Variants in ENAH observed in about 807,000 individuals in gnomAD.
The protein encoded by ENAH is protein enabled homolog.
Under a neutral mutation model 78.7 loss-of-function variants are expected in ENAH, and 23 were observed. That is an observed-to-expected ratio of 0.29 (90% confidence interval 0.21 to 0.41). The LOEUF is 0.41. Among genes scored for constraint, ENAH ranks in the 10% least tolerant of loss-of-function variants. The pLI, the probability that ENAH is intolerant of heterozygous loss-of-function variation, is 1.00. For synonymous variants in ENAH, 226 were observed against 241.0 expected (o/e 0.94, Z 0.58); for missense variants, 544 against 691.0 (o/e 0.79, Z 2.39).
At chr1:225,562,883 G>A (rs2096715380) in intron 2 of ENAH, among the ~76,000 whole-genome samples, 1 of 151,622 alleles carries the variant, frequency 6.6e-6, no homozygotes, top group Admixed American at 6.6e-5. Context: ...TGAGGCAGAA[G>A]GATCACTTGA....
chr1:225,538,452 A>T (rs1212346902), intron 3 of ENAH, among the ~76,000 whole-genome samples: 1 of 151,938 alleles, frequency 6.6e-6, no homozygotes, highest in Non-Finnish European at 1.5e-5. Context: ...ATTATTTCAA[A>T]TTTTGTTTTA....
chr1:225,506,376 T>C (rs2096329678), intron 11 of ENAH, among the ~76,000 whole-genome samples: 1 of 152,100 alleles, frequency 6.6e-6, no homozygotes, highest in Non-Finnish European at 1.5e-5. Context: ...TTAGTAGAGA[T>C]GGGGTTTCAT....
At position 225,495,986 on chromosome 1, in the gene ENAH, G is replaced by A. The variant is rs561428654; in HGVS notation, c.*1789C>T. The A allele has an allele frequency of 3.6e-4, 55 of 152,608 alleles. No individual in the cohort carries two copies. The highest frequency in any genetic ancestry group is 2.6e-4 in the African/African-American group (11 of 41,524). 9.5% of individuals were successfully genotyped at this position (152,608 alleles called of 1,614,324 possible). On this transcript the variant is annotated 3_prime_UTR_variant, in exon 14 of 14. Coordinates refer to ENST00000366843, the MANE Select transcript of ENAH (RefSeq NM_018212.6). ...GTGGTAAAGGCTGCAAATTTGCAGC[G>A]TTTAGAAAACTACACTATCAACAAG...
At chr1:225,574,605 A>AATAT (rs201786584) in intron 1 of ENAH, among the ~76,000 whole-genome samples, 3 of 24,664 alleles carry the variant, frequency 1.2e-4, no homozygotes, top group South Asian at 5.9e-4. Context: ...CTGTCTCCAA[A>AATAT]ATATATAAAA....
intron 2 of ENAH, among the ~76,000 whole-genome samples, chr1:225,561,833 T>G (rs1050447577): frequency 3.9e-5 from 6 of 151,902 alleles, no homozygotes; most frequent in Admixed American, 1.3e-4. Context: ...CATAACAGAG[T>G]AAACAGTGCA....
intron 1 of ENAH, among the ~76,000 whole-genome samples, chr1:225,636,210 A>C (rs1454857809): frequency 6.6e-6 from 1 of 152,218 alleles, no homozygotes; most frequent in Non-Finnish European, 1.5e-5. Context: ...GATCTGCATA[A>C]ATTTATGTAA....
intron 1 of ENAH, among the ~76,000 whole-genome samples, chr1:225,608,923 A>T (rs2096972903): frequency 6.6e-6 from 1 of 152,104 alleles, no homozygotes; most frequent in South Asian, 2.1e-4. Context: ...TGCCTTCAAA[A>T]TTTTGAAGAA....
intron 13 of ENAH, 122 bp from the exon 14 acceptor site, chr1:225,497,934 T>C: frequency 6.8e-6 from 5 of 732,512 alleles, no homozygotes; most frequent in Non-Finnish European, 9.1e-6. Flanking sequence ...AGATTAACTT[T>C]GCATCTTTCA....
At chr1:225,604,645 T>G (rs1201287643) in intron 1 of ENAH, among the ~76,000 whole-genome samples, 1 of 144,098 alleles carries the variant, frequency 6.9e-6, no homozygotes, top group Non-Finnish European at 1.5e-5. Context: ...AAAAAAAAAT[T>G]AGCCAGGCAT....
intron 1 of ENAH, among the ~76,000 whole-genome samples, chr1:225,602,470 T>C (rs951607432): frequency 2.0e-5 from 3 of 152,168 alleles, no homozygotes; most frequent in Admixed American, 2.0e-4. Flanking sequence ...AGTGTTTTTT[T>C]GTTGTTAATT....
rs546077182 is a variant in ENAH at position 225,492,156 on chromosome 1, C to T, written c.*5619G>A. The T allele has an allele frequency of 6.6e-6, 1 of 150,528 alleles. No individual in the cohort carries two copies. Among genetic ancestry groups the T allele is most frequent in the African/African-American group, 2.5e-5 (1 of 40,804 alleles). 9.3% of individuals were successfully genotyped at this position (150,528 alleles called of 1,614,324 possible). On this transcript the variant is annotated 3_prime_UTR_variant, in exon 14 of 14. Transcript: ENST00000366843. The stretch of plus-strand genomic sequence containing the variant: ...CTGGAGTACAGTGGCATGATAACGG[C>T]TCACTGCAGCCGCGTCCTCCCTGGG...
chr1:225,631,593 A>G (rs1244404476), intron 1 of ENAH, among the ~76,000 whole-genome samples: 3 of 150,572 alleles, frequency 2.0e-5, no homozygotes, highest in Middle Eastern at 3.2e-3. Context: ...AAAAAAAAAA[A>G]GGCATAAACT....
chr1:225,583,361 G>T (rs1210352296), intron 1 of ENAH, among the ~76,000 whole-genome samples: 2 of 149,952 alleles, frequency 1.3e-5, no homozygotes, highest in Non-Finnish European at 3.0e-5. Context: ...GCTTGAACCA[G>T]GAGGTGGAGT....
chr1:225,542,276 A>G (rs1490798158), intron 3 of ENAH, among the ~76,000 whole-genome samples: 1 of 152,242 alleles, frequency 6.6e-6, no homozygotes, highest in African/African-American at 2.4e-5. Context: ...AAGACTGCAA[A>G]GCCAGGACCT....
chr1:225,623,528 G>A (rs190164643), intron 1 of ENAH, among the ~76,000 whole-genome samples: 2 of 151,498 alleles, frequency 1.3e-5, no homozygotes, highest in East Asian at 3.9e-4. Context: ...GCTGAGGTTT[G>A]GGCTTCCTGC....
chr1:225,551,274 T>C (rs2096639381), intron 3 of ENAH, among the ~76,000 whole-genome samples: 1 of 152,124 alleles, frequency 6.6e-6, no homozygotes, highest in Non-Finnish European at 1.5e-5. Context: ...ATTAGATAAT[T>C]GCATACCAAG....
chr1:225,515,413 A>G (rs2096410045), intron 6 of ENAH: 1 of 152,440 alleles, frequency 6.6e-6, no homozygotes, highest in Non-Finnish European at 1.5e-5. Flanking sequence ...TCCCAGCTTC[A>G]GCATTTTAAA....
intron 1 of ENAH, among the ~76,000 whole-genome samples, chr1:225,617,162 C>CA (rs1393241796): frequency 6.6e-6 from 1 of 151,908 alleles, no homozygotes; most frequent in Admixed American, 6.6e-5. Context: ...TCAACAAATG[C>CA]AAATGCATTA....
intron 3 of ENAH, among the ~76,000 whole-genome samples, chr1:225,553,820 C>T (rs983480347): frequency 2.6e-5 from 4 of 152,068 alleles, no homozygotes; most frequent in Admixed American, 2.0e-4. Flanking sequence ...AAATATGCAA[C>T]CTATGTATAA....
Sources: gnomAD v4.1 joint callset for allele counts (sites outside exome capture counted in the v4.1 genomes callset) on GRCh38, gnomAD v4.1.1 for gene constraint, MANE v1.5 for transcripts, NCBI Gene and HGNC (gene_info 2026-07-23, HGNC 2026-07-21) for gene names.